Variants in DCAF4 observed in about 807,000 individuals in gnomAD.
DCAF4 encodes DDB1 and CUL4 associated factor 4, also known as DDB1- and CUL4-associated factor 4.
Under a neutral mutation model 60.9 loss-of-function variants are expected in DCAF4, and 37 were observed. The observed-to-expected ratio is 0.61, with a 90% confidence interval of 0.47 to 0.80. DCAF4 has a LOEUF of 0.80. Among genes scored for constraint, DCAF4 ranks in the 30% least tolerant of loss-of-function variants. The probability of loss-of-function intolerance (pLI) is 0.00; values close to 1 mark genes in which losing one functional copy is unlikely to be tolerated. For missense variants in DCAF4, 577 were observed against 650.0 expected (o/e 0.89, Z 1.22); for synonymous variants, 243 against 254.8 (o/e 0.95, Z 0.44).
intron 1 of DCAF4, among the ~76,000 whole-genome samples, chr14:72,935,346 C>G (rs1889120602): frequency 6.6e-6 from 1 of 152,102 alleles, no homozygotes; most frequent in Admixed American, 6.5e-5. Context: ...CCTCCGCCAC[C>G]TGGGTTCAAA....
At chr14:72,928,319 G>A (rs1887953570) in intron 1 of DCAF4, among the ~76,000 whole-genome samples, 1 of 149,556 alleles carries the variant, frequency 6.7e-6, no homozygotes, top group East Asian at 2.0e-4. Flanking sequence ...TCAGCCTCCC[G>A]AGTAGCTGAG....
downstream of DCAF4, chr14:72,962,063 A>C (rs988086309): frequency 3.9e-6 from 4 of 1,037,942 alleles, no homozygotes; most frequent in African/African-American, 1.7e-5. Context: ...GTGAACTCTC[A>C]ATGTTATTTT....
At position 72,954,544 on chromosome 14, in the gene DCAF4, T is replaced by C. The variant is rs1892018486; in HGVS notation, c.1005+61T>C. ...TGCCCCATGTAGAAATTTGGCCAGA[T>C]TGAAATTGGACTCCTCTGTGTGCCA... is the stretch of plus-strand genomic sequence containing the variant. On this transcript the variant is annotated intron_variant, in intron 11 of 13. Transcript: ENST00000358377. The C allele has an allele frequency of 2.6e-6, 4 of 1,521,348 alleles. No homozygotes were observed. The South Asian group carries it at 4.5e-5, about 17-fold the overall frequency. 94.2% of individuals were successfully genotyped at this position (1,521,348 alleles called of 1,614,324 possible).
Position 72,959,480 on chromosome 14 carries a change from T to C in DCAF4, c.*675T>C. 1.0e-6 allele frequency: 1 copy of C among 985,608 alleles called. No individual in the cohort carries two copies. Among genetic ancestry groups the C allele is most frequent in the Non-Finnish European group, 1.2e-6 (1 of 829,932 alleles). 61.1% of individuals were successfully genotyped at this position (985,608 alleles called of 1,614,324 possible). Reference sequence around the variant, plus strand: ...TCAAGCACCTTCCAGAATGTAAGGTTCAGCAGCTCTGGTTTCTATTACGGT... The same window carrying C: ...TCAAGCACCTTCCAGAATGTAAGGTCCAGCAGCTCTGGTTTCTATTACGGT... On this transcript the variant is annotated 3_prime_UTR_variant, in exon 14 of 14. Coordinates refer to ENST00000358377, the MANE Select transcript of DCAF4 (RefSeq NM_015604.4).
At chr14:72,930,948 A>G (rs1002156127) in intron 1 of DCAF4, among the ~76,000 whole-genome samples, 2 of 152,182 alleles carry the variant, frequency 1.3e-5, no homozygotes, top group African/African-American at 2.4e-5. Context: ...TCTGGTCTCA[A>G]TGCTACTCCA....
chr14:72,943,116 CTG>C lies in DCAF4; in HGVS notation c.534+21_534+22del. 6.2e-7 allele frequency: 1 copy of C among 1,610,370 alleles called. No individual in the cohort carries two copies. Among genetic ancestry groups the C allele is most frequent in the Non-Finnish European group, 8.5e-7 (1 of 1,176,720 alleles). On this transcript the variant is annotated intron_variant, in intron 6 of 13. Coordinates refer to ENST00000358377, the MANE Select transcript of DCAF4 (RefSeq NM_015604.4). The stretch of plus-strand genomic sequence containing the variant: ...ATACTGGTGAGTGGGAGGGGGACAC[CTG>C]CCTAGGGTGTGGCTGCCACCCTCTG...
chr14:72,938,123 T>C, intron 2 of DCAF4, 53 bp downstream of exon 2: 3 of 1,543,692 alleles, frequency 1.9e-6, no homozygotes, highest in Non-Finnish European at 2.6e-6. Flanking sequence ...TCTGGCATTG[T>C]ACACATGGCA....
intron 3 of DCAF4, 94 bp from the exon 4 acceptor site, chr14:72,940,126 A>G: frequency 6.6e-7 from 1 of 1,508,430 alleles, no homozygotes; most frequent in African/African-American, 1.4e-5. Context: ...AAAGACAGGC[A>G]GCCACGAGGT....
chr14:72,959,858 A>G (rs1892729790), downstream of DCAF4, among the ~76,000 whole-genome samples: 1 of 152,172 alleles, frequency 6.6e-6, no homozygotes. Context: ...GCAGCTAGGT[A>G]GGTTCAGCCA....
At chr14:72,952,691 C>CTTTTTTT (rs1215172512) in intron 9 of DCAF4, among the ~76,000 whole-genome samples, 3 of 105,166 alleles carry the variant, frequency 2.9e-5, no homozygotes, top group South Asian at 3.2e-4. Flanking sequence ...CTTGTCTTGT[C>CTTTTTTT]TTTTTTTTTT....
intron 12 of DCAF4, 36 bp from the exon 13 acceptor site, chr14:72,956,350 G>C: frequency 6.5e-7 from 1 of 1,537,624 alleles, no homozygotes. Flanking sequence ...GTACCCCCTG[G>C]CCCCTCCCTG....
At chr14:72,927,466 C>T (rs944469809) in intron 1 of DCAF4, among the ~76,000 whole-genome samples, 1 of 151,894 alleles carries the variant, frequency 6.6e-6, no homozygotes, top group Non-Finnish European at 1.5e-5. Context: ...ATTCTCCTGC[C>T]TCAGCTTCCC....
At position 72,953,764 on chromosome 14, in the gene DCAF4, GTTTA is replaced by G. The variant is rs1277308691; in HGVS notation, c.809-384_809-381del. 3.9e-3 allele frequency among the ~76,000 whole-genome samples: 74 copies of G among 19,084 alleles called. 5 individuals carry two copies. The highest frequency in any genetic ancestry group is 5.6e-3 in the Non-Finnish European group (53 of 9,448). The allele number at this position is 19,084 out of a possible 152,430, so 12.5% of individuals were successfully genotyped here. On this transcript the variant is annotated intron_variant, in intron 9 of 13. Coordinates refer to ENST00000358377, the MANE Select transcript of DCAF4 (RefSeq NM_015604.4). ...ATATATATATATATATATATATATAGTTTATTTATTTATTTATTTGTGTGTGTGT... is the reference window on the plus strand; with the variant it reads ...ATATATATATATATATATATATATAGTTTATTTATTTATTTGTGTGTGTGT...
chr14:72,942,277 CT>C (rs1191041673), intron 5 of DCAF4: 1 of 157,956 alleles, frequency 6.3e-6, no homozygotes, highest in African/African-American at 2.4e-5. Flanking sequence ...TAGGCCGATA[CT>C]TTCCCCCATT....
chr14:72,937,969 A>G lies in DCAF4; in HGVS notation c.-8-2A>G. 1 of 1,588,180 alleles carries G rather than the reference A, an allele frequency of 6.3e-7. No individual in the cohort carries two copies. The highest frequency in any genetic ancestry group is 8.5e-7 in the Non-Finnish European group (1 of 1,172,694). ...ATGGATTTTTTTGTTTTTCTCTTTT[A>G]GGAACAGAAATGAATAAAAGTCGCT... On this transcript the variant is annotated splice_acceptor_variant, in intron 1 of 13. Transcript: ENST00000358377. LOFTEE classifies it low-confidence loss of function (5UTR_SPLICE).
chr14:72,958,943 G>T lies in DCAF4; in HGVS notation c.*138G>T, dbSNP rs1892646460. The T allele has an allele frequency of 7.2e-7, 1 of 1,383,612 alleles. No individual in the cohort carries two copies. The highest frequency in any genetic ancestry group is 1.8e-5 in the South Asian group (1 of 55,000). The allele number at this position is 1,383,612 out of a possible 1,614,324, so 85.7% of individuals were successfully genotyped here. On this transcript the variant is annotated 3_prime_UTR_variant, in exon 14 of 14. Transcript: ENST00000358377. The stretch of plus-strand genomic sequence containing the variant: ...ATCCTCTGGCTGCTAGGAGAGAAGT[G>T]CTGAATGTTCCGTGTGGAGATGCTC...
At chr14:72,956,599 C>A in intron 13 of DCAF4, 99 bp downstream of exon 13, 1 of 1,164,922 alleles carries the variant, frequency 8.6e-7, no homozygotes, top group Non-Finnish European at 1.2e-6. Context: ...TACCCCAAAA[C>A]AGAACTGAAT....
At chr14:72,961,868 A>T, downstream of DCAF4, 1 of 1,094,444 alleles carries the variant, frequency 9.1e-7, no homozygotes, top group South Asian at 3.1e-5. Context: ...TCTCCAGCAG[A>T]TGGCCACTAC....
In DCAF4 at chr14:72,959,279, C is replaced by G. The variant is rs1892679920; in HGVS notation, c.*474C>G. 1 of 985,988 alleles carries G rather than the reference C, an allele frequency of 1.0e-6. No individual in the cohort carries two copies. Among genetic ancestry groups the G allele is most frequent in the South Asian group, 4.7e-5 (1 of 21,300 alleles). The allele number at this position is 985,988 out of a possible 1,614,324, so 61.1% of individuals were successfully genotyped here. ...GCCAGCGGAGAGGACGGGGAGGTTA[C>G]TTCTCTAAGTTTCTGCAGAAATATT... On this transcript the variant is annotated 3_prime_UTR_variant, in exon 14 of 14. Coordinates refer to ENST00000358377, the MANE Select transcript of DCAF4 (RefSeq NM_015604.4).
Sources: allele counts gnomAD v4.1 joint callset (sites outside exome capture counted in the v4.1 genomes callset), GRCh38; gene constraint gnomAD v4.1.1; transcripts MANE v1.5; gene names NCBI Gene and HGNC (gene_info 2026-07-23, HGNC 2026-07-21).